The following PTPRZ1 variants were observed in gnomAD, a reference collection of about 807,000 sequenced individuals.
PTPRZ1 encodes receptor-type tyrosine-protein phosphatase zeta.
PTPRZ1 carries 82 observed loss-of-function variants against 214.1 expected under a neutral mutation model. The ratio of observed to expected loss-of-function variants is 0.38; its 90% CI spans 0.32 to 0.46. The LOEUF is 0.46. Ranked by LOEUF, PTPRZ1 falls within the 20% of genes least tolerant of loss-of-function variation. The pLI, the probability that PTPRZ1 is intolerant of heterozygous loss-of-function variation, is 1.00. For synonymous variants in PTPRZ1, 945 were observed against 987.9 expected (o/e 0.96, Z 0.81); for missense variants, 2,603 against 2,748.7 (o/e 0.95, Z 1.19).
intron 13 of PTPRZ1, among the ~76,000 whole-genome samples, chr7:122,020,828 C>CTTT (rs76417252): frequency 8.6e-6 from 1 of 116,784 alleles, no homozygotes; most frequent in Non-Finnish European, 1.8e-5. Context: ...GCCAAAGATT[C>CTTT]TTTTTTTTTT....
chr7:121,957,320 G>A (rs1252560618), intron 2 of PTPRZ1, among the ~76,000 whole-genome samples: 1 of 151,902 alleles, frequency 6.6e-6, no homozygotes, highest in Non-Finnish European at 1.5e-5. Context: ...TCTTGGGCAT[G>A]GTGGCGGCGA....
At chr7:121,946,483 A>G (rs1179463560) in intron 2 of PTPRZ1, among the ~76,000 whole-genome samples, 1 of 152,190 alleles carries the variant, frequency 6.6e-6, no homozygotes, top group Non-Finnish European at 1.5e-5. Flanking sequence ...TGGAAAAGAG[A>G]CAACTGACAA....
intron 17 of PTPRZ1, among the ~76,000 whole-genome samples, chr7:122,035,473 T>G (rs1385956168): frequency 1.3e-5 from 2 of 152,214 alleles, no homozygotes; most frequent in African/African-American, 4.8e-5. Flanking sequence ...AGATTAACAT[T>G]TGATGAACAC....
chr7:121,937,607 G>A (rs759277841), intron 2 of PTPRZ1, among the ~76,000 whole-genome samples: 45 of 152,144 alleles, frequency 3.0e-4, no homozygotes, highest in African/African-American at 4.8e-4. Context: ...TGTGGTGCAG[G>A]CATTCAGTCC....
At chr7:121,969,817 T>G (rs1309774337) in intron 3 of PTPRZ1, among the ~76,000 whole-genome samples, 1 of 151,908 alleles carries the variant, frequency 6.6e-6, no homozygotes, top group Non-Finnish European at 1.5e-5. Context: ...ATATTTTTAT[T>G]ATACTTTAAG....
chr7:121,873,613 G>T, intron 1 of PTPRZ1, 56 bp downstream of exon 1: 1 of 1,594,882 alleles, frequency 6.3e-7, no homozygotes, highest in Non-Finnish European at 8.6e-7. Context: ...GATGAGGGTG[G>T]GAGCATTTCA....
intron 11 of PTPRZ1, among the ~76,000 whole-genome samples, chr7:122,009,787 A>G (rs1325514304): frequency 6.6e-6 from 1 of 152,128 alleles, no homozygotes; most frequent in Non-Finnish European, 1.5e-5. Flanking sequence ...GAAAATATTA[A>G]AAAACAAAAG....
chr7:122,040,344 C>G (rs1182411248), intron 20 of PTPRZ1, among the ~76,000 whole-genome samples: 2 of 152,204 alleles, frequency 1.3e-5, no homozygotes, highest in Non-Finnish European at 2.9e-5. Context: ...ATTAGCAAAT[C>G]TTAAACCTGT....
rs555445040 is a variant in PTPRZ1, at chr7:122,051,597, T to C, written c.6178+76T>C. On this transcript the variant is annotated intron_variant, in intron 24 of 29. Transcript: ENST00000393386. ...CTTGTAGGAAATTTGGCAATATTTGTATACCTTTGGAGCAAATGGAGCACA... is the reference window on the plus strand; with the variant it reads ...CTTGTAGGAAATTTGGCAATATTTGCATACCTTTGGAGCAAATGGAGCACA... The C allele has an allele frequency of 3.0e-5, 39 of 1,286,620 alleles. No individual in the cohort carries two copies. In the African/African-American group the frequency reaches 5.0e-4, roughly 17 times the overall value. 79.7% of individuals were successfully genotyped at this position (1,286,620 alleles called of 1,614,324 possible).
intron 1 of PTPRZ1, among the ~76,000 whole-genome samples, chr7:121,881,128 G>A (rs1233321653): frequency 1.3e-5 from 2 of 152,148 alleles, no homozygotes; most frequent in Admixed American, 1.3e-4. Context: ...AGCTGTCATT[G>A]ATGGGTTTAG....
chr7:122,045,450 A>G (rs1381077700), intron 23 of PTPRZ1, among the ~76,000 whole-genome samples: 1 of 152,066 alleles, frequency 6.6e-6, no homozygotes, highest in African/African-American at 2.4e-5. Flanking sequence ...CCTTTGGGCC[A>G]TTTGCCTTTT....
At chr7:121,917,582 G>A (rs1795462230) in intron 1 of PTPRZ1, among the ~76,000 whole-genome samples, 1 of 152,148 alleles carries the variant, frequency 6.6e-6, no homozygotes, top group South Asian at 2.1e-4. Context: ...TTCAGGAAAT[G>A]ATAATTGTCG....
At chr7:122,019,070 T>C (rs1798934136) in intron 12 of PTPRZ1, 54 bp from the exon 13 acceptor site, 3 of 1,504,572 alleles carry the variant, frequency 2.0e-6, no homozygotes, top group Non-Finnish European at 2.7e-6. Flanking sequence ...TGAAAAATGC[T>C]GTGACTTTTC....
At chr7:121,892,654 A>G (rs1794669351) in intron 1 of PTPRZ1, among the ~76,000 whole-genome samples, 1 of 141,816 alleles carries the variant, frequency 7.1e-6, no homozygotes, top group Non-Finnish European at 1.5e-5. Flanking sequence ...TCTGCCTGAT[A>G]TATCTTAGAG....
chr7:121,996,631 TAC>T (rs1798147036), intron 9 of PTPRZ1, 65 bp downstream of exon 9: 1 of 1,243,846 alleles, frequency 8.0e-7, no homozygotes, highest in African/African-American at 1.5e-5. Flanking sequence ...GGTAAGAACT[TAC>T]AAATGGTTGT....
At chr7:121,898,355 C>G (rs1794864475) in intron 1 of PTPRZ1, among the ~76,000 whole-genome samples, 1 of 151,812 alleles carries the variant, frequency 6.6e-6, no homozygotes, top group African/African-American at 2.4e-5. Context: ...TTTTCACAAT[C>G]CAAAAATGCT....
intron 14 of PTPRZ1, among the ~76,000 whole-genome samples, chr7:122,030,721 A>G (rs1799345311): frequency 1.3e-5 from 2 of 152,124 alleles, no homozygotes; most frequent in African/African-American, 2.4e-5. Flanking sequence ...TGTCAGAGAA[A>G]TCACTTGTAA....
At chr7:121,973,747 A>C (rs1230116333) in intron 4 of PTPRZ1, among the ~76,000 whole-genome samples, 2 of 152,092 alleles carry the variant, frequency 1.3e-5, no homozygotes, top group African/African-American at 4.8e-5. Flanking sequence ...CAGCCTGGCC[A>C]ACATGGTGAA....
In PTPRZ1 at chr7:121,901,578, A is replaced by G. The variant is rs750855429; in HGVS notation, c.59-26578A>G. ...ATAATTAATCTCTTGATATTTTATTACAGATTAGTGTTTTTAGAATGTAAC... is the reference window on the plus strand; with the variant it reads ...ATAATTAATCTCTTGATATTTTATTGCAGATTAGTGTTTTTAGAATGTAAC... On this transcript the variant is annotated intron_variant, in intron 1 of 29. Transcript: ENST00000393386. Among the ~76,000 whole-genome samples the G allele has an allele frequency of 2.0e-4, 31 of 152,182 alleles. 1 individual carries two copies. The highest frequency in any genetic ancestry group is 3.8e-4 in the Non-Finnish European group (26 of 68,026).
Sources: allele counts gnomAD v4.1 joint callset (sites outside exome capture counted in the v4.1 genomes callset), GRCh38; gene constraint gnomAD v4.1.1; transcripts MANE v1.5; gene names NCBI Gene and HGNC (gene_info 2026-07-23, HGNC 2026-07-21).